The following MMP11 variants were observed in gnomAD, a reference collection of about 807,000 sequenced individuals.
MMP11 encodes the protein matrix metallopeptidase 11.
Under a neutral mutation model 49.5 loss-of-function variants are expected in MMP11, and 26 were observed. That is an observed-to-expected ratio of 0.52 (90% confidence interval 0.38 to 0.73). MMP11 has a LOEUF of 0.73. MMP11 is among the 30% of genes least tolerant of loss of function. The pLI is 0.00. For synonymous variants in MMP11, 265 were observed against 282.3 expected (o/e 0.94, Z 0.62); for missense variants, 624 against 671.2 (o/e 0.93, Z 0.78).
chr22:23,783,398 C>T lies in MMP11; in HGVS notation c.1334-13C>T. On this transcript the variant is annotated splice_polypyrimidine_tract_variant and intron_variant, in intron 7 of 7. Coordinates refer to ENST00000215743, the MANE Select transcript of MMP11 (RefSeq NM_005940.5). ...TGTCCGCTCGCCCAGGCTTGACCAC[C>T]TTCTCTTCTCAGGCTATGCCTACTT... is the stretch of plus-strand genomic sequence containing the variant. The T allele has an allele frequency of 6.2e-7, 1 of 1,613,692 alleles. No homozygotes were observed. Among genetic ancestry groups the T allele is most frequent in the East Asian group, 2.2e-5 (1 of 44,876 alleles).
intron 2 of MMP11, 121 bp downstream of exon 2, chr22:23,779,537 G>A: frequency 1.1e-6 from 1 of 887,218 alleles, no homozygotes; most frequent in Admixed American, 2.5e-5. Context: ...ACAGACCTGT[G>A]TGTCCACTGA....
rs760437412 is a variant in MMP11, at chr22:23,780,597, C to T, written c.498C>T (p.Asp166=). The change falls in exon 4 of 8, where the codon GAC becomes GAT. Residue 166 remains aspartate (D), a synonymous_variant. Coordinates refer to ENST00000215743, the MANE Select transcript of MMP11 (RefSeq NM_005940.5). The surrounding 1 kb of genome is among the most constrained non-coding windows in gnomAD (Gnocchi z 4.6). The part of the protein sequence containing the change: ...MIDFARYWHG[D]DLPFDGPGGI... ...CCATCTGTAGGTACTGGCATGGGGA[C>T]GACCTGCCGTTTGATGGGCCTGGGG... 3.0e-5 allele frequency: 48 copies of T among 1,598,072 alleles called. No individual in the cohort carries two copies. Among genetic ancestry groups the T allele is most frequent in the Non-Finnish European group, 3.8e-5 (45 of 1,171,210 alleles).
chr22:23,783,763 C>T lies in MMP11; in HGVS notation c.*219C>T, dbSNP rs1226730381. On this transcript the variant is annotated 3_prime_UTR_variant, in exon 8 of 8. Transcript: ENST00000215743. Reference sequence around the variant, plus strand: ...GACTGTCTCAGACTGGGCAGGGAGGCTTTGGCATGACTTAAGAGGAAGGGC... The same window carrying T: ...GACTGTCTCAGACTGGGCAGGGAGGTTTTGGCATGACTTAAGAGGAAGGGC... 6 of 620,566 alleles carry T rather than the reference C, an allele frequency of 9.7e-6. No homozygotes were observed. Among genetic ancestry groups the T allele is most frequent in the African/African-American group, 1.8e-5 (1 of 54,240 alleles). The allele number at this position is 620,566 out of a possible 1,614,324, so 38.4% of individuals were successfully genotyped here.
chr22:23,783,488 C>A lies in MMP11; in HGVS notation c.1411C>A (p.Arg471Ser). 1 of 1,614,210 alleles carries A rather than the reference C, an allele frequency of 6.2e-7. No homozygotes were observed. The highest frequency in any genetic ancestry group is 2.2e-5 in the East Asian group (1 of 44,880). The change falls in exon 8 of 8, where the codon CGT becomes AGT. Residue 471 changes from arginine (R) to serine (S), a missense_variant. Coordinates refer to ENST00000215743, the MANE Select transcript of MMP11 (RefSeq NM_005940.5). ...GGTGAAGGCTCTGGAAGGCTTCCCC[C>A]GTCTCGTGGGTCCTGACTTCTTTGG... ...VKVKALEGFPRLVGPDFFGCA... is the reference protein window; with the variant it reads ...VKVKALEGFPSLVGPDFFGCA...
intron 7 of MMP11, among the ~76,000 whole-genome samples, chr22:23,783,077 C>A (rs1927700917): frequency 6.6e-6 from 1 of 152,140 alleles, no homozygotes; most frequent in Admixed American, 6.5e-5. Context: ...AATAGCCTGG[C>A]TAATTTAATA....
intron 6 of MMP11, chr22:23,781,902 C>T (rs1168549765): frequency 4.6e-6 from 3 of 649,558 alleles, no homozygotes; most frequent in Admixed American, 4.2e-5. Flanking sequence ...CAGGGCAGTC[C>T]AGCCTGCAGG....
chr22:23,776,377 G>A (rs146467848), intron 1 of MMP11, among the ~76,000 whole-genome samples: 40 of 152,306 alleles, frequency 2.6e-4, no homozygotes, highest in African/African-American at 9.1e-4. Context: ...GCAGTGTGGC[G>A]AGGAGGAGGA....
chr22:23,779,154 C>A, intron 1 of MMP11, 33 bp from the exon 2 acceptor site: 1 of 1,516,908 alleles, frequency 6.6e-7, no homozygotes, highest in Non-Finnish European at 8.9e-7. Context: ...GACCTTAGGC[C>A]TGACCAGACC....
At chr22:23,781,474 A>G in intron 6 of MMP11, 65 bp downstream of exon 6, 1 of 1,424,658 alleles carries the variant, frequency 7.0e-7, no homozygotes, top group South Asian at 1.2e-5. Context: ...GGCCAAGGGC[A>G]GGAACAGACA....
intron 6 of MMP11, chr22:23,781,781 A>G (rs747335061): frequency 1.7e-6 from 1 of 593,402 alleles, no homozygotes; most frequent in South Asian, 1.5e-5. Flanking sequence ...CAGGTCTATC[A>G]TCCTAGAGCT....
chr22:23,775,058 T>C (rs544812485), intron 1 of MMP11, among the ~76,000 whole-genome samples: 42 of 152,326 alleles, frequency 2.8e-4, no homozygotes, highest in African/African-American at 9.6e-4. Flanking sequence ...CAAGGGAGGC[T>C]ACTGGCCAAG....
rs1307763482 is a variant in MMP11, at chr22:23,780,556, C to T, written c.483-26C>T. 1.2e-6 allele frequency: 2 copies of T among 1,611,638 alleles called. No individual in the cohort carries two copies. The highest frequency in any genetic ancestry group is 1.1e-5 in the South Asian group (1 of 90,968). On this transcript the variant is annotated intron_variant, in intron 3 of 7. Transcript: ENST00000215743. The surrounding 1 kb of genome is among the most constrained non-coding windows in gnomAD (Gnocchi z 4.6). ...GAACAGCCTCGCCTGCCAGCAGCCA[C>T]TGACCCCGCCCCCACCCATCTGTAG...
At chr22:23,774,320 G>T (rs1193248178) in intron 1 of MMP11, among the ~76,000 whole-genome samples, 1 of 152,212 alleles carries the variant, frequency 6.6e-6, no homozygotes, top group Non-Finnish European at 1.5e-5. Flanking sequence ...TGCATGGTCA[G>T]TGCTGGAGCT....
chr22:23,779,653 CAA>C (rs1423139787), intron 2 of MMP11: 8 of 570,122 alleles, frequency 1.4e-5, no homozygotes, highest in South Asian at 2.3e-5. Flanking sequence ...CGTCATCATG[CAA>C]AGAGTCGCAG....
intron 1 of MMP11, among the ~76,000 whole-genome samples, chr22:23,776,258 GGTT>G (rs1927406208): frequency 6.6e-6 from 1 of 152,206 alleles, no homozygotes; most frequent in Admixed American, 6.5e-5. Context: ...CTGGGCTCTG[GGTT>G]GTTTGGAGCT....
Position 23,780,349 on chromosome 22 carries a change from C to T in MMP11, c.339-10C>T. The T allele has an allele frequency of 6.2e-7, 1 of 1,612,512 alleles. No individual in the cohort carries two copies. Among genetic ancestry groups the T allele is most frequent in the Middle Eastern group, 2.1e-4 (1 of 4,756 alleles). ...TTCCCTGAGGCCCAGGCCCCTCCATCTCCCTCCAGGATCCTTCGGTTCCCA... is the reference window on the plus strand; with the variant it reads ...TTCCCTGAGGCCCAGGCCCCTCCATTTCCCTCCAGGATCCTTCGGTTCCCA... On this transcript the variant is annotated splice_polypyrimidine_tract_variant and intron_variant, in intron 2 of 7. Coordinates refer to ENST00000215743, the MANE Select transcript of MMP11 (RefSeq NM_005940.5). This position sits in a 1 kb window ranked among gnomAD's most constrained non-coding sequence, Gnocchi z 4.6.
In MMP11 at chr22:23,783,575, C is replaced by T. The variant is rs2145945052; in HGVS notation, c.*31C>T. ...GCTTGGATGCCCTCAGGGGTGCTGA[C>T]CCCTGCCAGGCCACGAATATCAGGC... On this transcript the variant is annotated 3_prime_UTR_variant, in exon 8 of 8. Coordinates refer to ENST00000215743, the MANE Select transcript of MMP11 (RefSeq NM_005940.5). The T allele has an allele frequency of 3.1e-6, 5 of 1,611,474 alleles. No homozygotes were observed. The East Asian group carries it at 1.1e-4, about 36-fold the overall frequency.
intron 6 of MMP11, 86 bp from the exon 7 acceptor site, chr22:23,782,140 T>A: frequency 6.5e-7 from 1 of 1,533,850 alleles, no homozygotes; most frequent in Non-Finnish European, 8.8e-7. Context: ...GCTGGGAGAG[T>A]CTGTGGTAGG....
chr22:23,775,319 G>A (rs1025747393), intron 1 of MMP11, among the ~76,000 whole-genome samples: 11 of 148,400 alleles, frequency 7.4e-5, no homozygotes, highest in African/African-American at 2.2e-4. Context: ...TGAGGCCAGT[G>A]GTGGCCTGTG....
Sources: gnomAD v4.1 joint callset for allele counts (sites outside exome capture counted in the v4.1 genomes callset) on GRCh38, gnomAD v4.1.1 for gene constraint, Gnocchi (gnomAD v3.1) non-coding constraint, MANE v1.5 for transcripts, NCBI Gene and HGNC (gene_info 2026-07-23, HGNC 2026-07-21) for gene names.